The following FBLN2 variants were observed in gnomAD, a reference collection of about 807,000 sequenced individuals.
FBLN2 encodes the protein fibulin-2.
FBLN2 carries 81 observed loss-of-function variants against 123.7 expected under a neutral mutation model. The observed-to-expected ratio is 0.65, with a 90% confidence interval of 0.55 to 0.79. The LOEUF (loss-of-function observed/expected upper bound fraction) is 0.79. FBLN2 is among the 30% of genes least tolerant of loss of function. The pLI is 0.00. For missense variants in FBLN2, 1,603 were observed against 1,681.3 expected (o/e 0.95, Z 0.81); for synonymous variants, 699 against 701.4 (o/e 1.00, Z 0.05).
At chr3:13,609,958 G>A (rs576588639) in intron 4 of FBLN2, among the ~76,000 whole-genome samples, 1 of 152,362 alleles carries the variant, frequency 6.6e-6, no homozygotes, top group Admixed American at 6.5e-5. Context: ...GACAGAGGAA[G>A]ATCACGATGA....
chr3:13,623,796 A>G (rs147976600), intron 9 of FBLN2, among the ~76,000 whole-genome samples: 90 of 152,316 alleles, frequency 5.9e-4, no homozygotes, highest in African/African-American at 2.0e-3. Context: ...AGATAACAGC[A>G]CCTACCTCAA....
At chr3:13,566,038 C>T (rs367896418) in intron 1 of FBLN2, among the ~76,000 whole-genome samples, 5 of 152,222 alleles carry the variant, frequency 3.3e-5, no homozygotes, top group Non-Finnish European at 7.3e-5. Flanking sequence ...CGTCCCCACC[C>T]GGGAGGGCTG....
chr3:13,600,799 A>G (rs1351320915), intron 2 of FBLN2, among the ~76,000 whole-genome samples: 1 of 152,108 alleles, frequency 6.6e-6, no homozygotes, highest in Admixed American at 6.6e-5. Context: ...TACTTTTAGT[A>G]GAGATGGGTT....
chr3:13,621,062 T>C lies in FBLN2; in HGVS notation c.2156-713T>C, dbSNP rs1382617620. Among the ~76,000 whole-genome samples, 4 of 152,204 alleles carry C rather than the reference T, an allele frequency of 2.6e-5. No homozygotes were observed. The East Asian group carries it at 7.7e-4, about 29-fold the overall frequency. On this transcript the variant is annotated intron_variant, in intron 8 of 17. Transcript: ENST00000404922. The stretch of plus-strand genomic sequence containing the variant: ...CAGGCCTCCTTTGGGCCCAGCCCTG[T>C]GAGGCCCCTCTGCCTGTGCTGCTCA...
chr3:13,571,161 A>G lies in FBLN2; in HGVS notation c.806A>G (p.Lys269Arg). The change falls in exon 2 of 18, where the codon AAA becomes AGA. Residue 269 changes from lysine to arginine, a missense_variant. By Grantham distance (26) the Lys-to-Arg change is conservative. Coordinates refer to ENST00000404922, the MANE Select transcript of FBLN2 (RefSeq NM_001004019.2). ...GGTCCCCCAGCCCCAGTGCAGGCCA[A>G]AGCTAGGAGAGTGACCGAGGACAGT... ...ALGPPAPVQA[K>R]ARRVTEDSEE... The G allele has an allele frequency of 1.9e-6, 3 of 1,559,906 alleles. 1 individual carries two copies. The South Asian group carries it at 3.5e-5, about 18-fold the overall frequency.
intron 2 of FBLN2, among the ~76,000 whole-genome samples, chr3:13,589,282 G>C (rs926913077): frequency 4.6e-5 from 7 of 152,228 alleles, no homozygotes; most frequent in Non-Finnish European, 7.3e-5. Context: ...CTGGAAGGCT[G>C]TGGAAGGGTG....
Position 13,630,732 on chromosome 3 carries a change from A to G in FBLN2, c.3002A>G (p.Gln1001Arg). The G allele has an allele frequency of 6.2e-7, 1 of 1,609,658 alleles. No individual in the cohort carries two copies. The highest frequency in any genetic ancestry group is 8.5e-7 in the Non-Finnish European group (1 of 1,178,308). ...VNECEAQRCS[Q>R]ECANIYGSYQ... ...GAGTGTGAGGCCCAGCGCTGCAGCC[A>G]GGAGTGTGCCAACATCTATGGCTCC... The change falls in exon 15 of 18, where the codon CAG becomes CGG. Residue 1001 changes from glutamine to arginine, a missense_variant. Transcript: ENST00000404922.
rs1705320527 is a variant in FBLN2 at position 13,609,581 on chromosome 3, C to T, written c.1487C>T (p.Ala496Val). 1.3e-6 allele frequency: 2 copies of T among 1,562,426 alleles called. No individual in the cohort carries two copies. Among genetic ancestry groups the T allele is most frequent in the Non-Finnish European group, 1.7e-6 (2 of 1,153,540 alleles). Reference sequence around the variant, plus strand: ...AGCTGCATGGCCGGCGTCCTGGGAGCCAAGGAGGGTGAGACCTGTGGGGCT... The same window carrying T: ...AGCTGCATGGCCGGCGTCCTGGGAGTCAAGGAGGGTGAGACCTGTGGGGCT... Reference protein sequence around the residue: ...EKSCMAGVLGAKEGETCGAED... With the variant: ...EKSCMAGVLGVKEGETCGAED... Residue 496 changes from alanine (A) to valine (V), a missense_variant, in exon 4 of 18, where the codon GCC becomes GTC. Coordinates refer to ENST00000404922, the MANE Select transcript of FBLN2 (RefSeq NM_001004019.2).
At position 13,551,176 on chromosome 3, in the gene FBLN2, GCCTCAAGCATAGGC is replaced by G. The variant is rs563689860; in HGVS notation, c.-42+1971_-42+1984del. ...TTGGGCTGATTTTGCTCCATTGCCCGCCTCAAGCATAGGCCCAGGCTGGTCCTCCATGCATGGCT... is the reference window on the plus strand; with the variant it reads ...TTGGGCTGATTTTGCTCCATTGCCCGCCAGGCTGGTCCTCCATGCATGGCT... On this transcript the variant is annotated intron_variant, in intron 1 of 17. Coordinates refer to ENST00000404922, the MANE Select transcript of FBLN2 (RefSeq NM_001004019.2). Among the ~76,000 whole-genome samples the G allele has an allele frequency of 2.2e-3, 331 of 152,326 alleles. 1 individual carries two copies. The highest frequency in any genetic ancestry group is 4.1e-3 in the Non-Finnish European group (277 of 68,034).
At chr3:13,629,095 T>G (rs763243579) in intron 12 of FBLN2, 47 bp downstream of exon 12, 1 of 1,612,782 alleles carries the variant, frequency 6.2e-7, no homozygotes, top group Admixed American at 1.7e-5. Flanking sequence ...GCCTGCCCGC[T>G]TCCCCACCCC....
chr3:13,567,667 C>T (rs1470648054), intron 1 of FBLN2, among the ~76,000 whole-genome samples: 2 of 150,944 alleles, frequency 1.3e-5, no homozygotes, highest in African/African-American at 4.9e-5. Context: ...CAAAGATTTC[C>T]TTTCTTAAAA....
chr3:13,608,881 C>G (rs1705294288), intron 3 of FBLN2, among the ~76,000 whole-genome samples: 1 of 146,756 alleles, frequency 6.8e-6, no homozygotes, highest in Non-Finnish European at 1.5e-5. Flanking sequence ...ACTCTGCTTC[C>G]TATAAAAAAA....
In FBLN2 at chr3:13,586,643, G is replaced by T. The variant is rs9824434; in HGVS notation, c.1306+14982G>T. 7.8e-3 allele frequency among the ~76,000 whole-genome samples: 1,179 copies of T among 150,416 alleles called. 11 individuals carry two copies. The highest frequency in any genetic ancestry group is 0.027 in the African/African-American group (1,103 of 40,804). ...CTCCTGAGTAGCTGGGACTACAGGCGCATGGTGCCATGCCCAGCTAATTTT... is the reference window on the plus strand; with the variant it reads ...CTCCTGAGTAGCTGGGACTACAGGCTCATGGTGCCATGCCCAGCTAATTTT... On this transcript the variant is annotated intron_variant, in intron 2 of 17. Coordinates refer to ENST00000404922, the MANE Select transcript of FBLN2 (RefSeq NM_001004019.2).
At chr3:13,576,115 C>A (rs1475442395) in intron 2 of FBLN2, among the ~76,000 whole-genome samples, 1 of 152,210 alleles carries the variant, frequency 6.6e-6, no homozygotes, top group African/African-American at 2.4e-5. Flanking sequence ...CCAGTTTCAC[C>A]CTCATTGCAT....
intron 1 of FBLN2, among the ~76,000 whole-genome samples, chr3:13,567,782 A>C (rs1226592413): frequency 7.8e-6 from 1 of 128,122 alleles, no homozygotes; most frequent in East Asian, 2.7e-4. Context: ...AATCTGGGCA[A>C]CACAGTGAGA....
At chr3:13,624,782 C>G (rs1478737051) in intron 9 of FBLN2, among the ~76,000 whole-genome samples, 5 of 152,252 alleles carry the variant, frequency 3.3e-5, no homozygotes. Context: ...GTCACAGGAG[C>G]CTAGCACAGA....
rs2124888556 is a variant in FBLN2, at chr3:13,615,055, C to A, written c.1729+891C>A. On this transcript the variant is annotated intron_variant, in intron 5 of 17. Transcript: ENST00000404922. ...ATCCTCGTTGTCCTTGGTGTCACCC[C>A]CTTCTTCTTCCCTTCTTGTGCTGTA... Among the ~76,000 whole-genome samples, 5 of 152,350 alleles carry A rather than the reference C, an allele frequency of 3.3e-5. No individual in the cohort carries two copies. In the Middle Eastern group the frequency reaches 0.017, roughly 518 times the overall value.
Position 13,560,506 on chromosome 3 carries a change from G to A in FBLN2, c.-41-9809G>A, listed in dbSNP as rs561726414. 4.6e-5 allele frequency among the ~76,000 whole-genome samples: 7 copies of A among 152,266 alleles called. No individual in the cohort carries two copies. In the East Asian group the frequency reaches 1.4e-3, roughly 29 times the overall value. ...CTCACACCACCCACCTGTGTCATCAGCCTCACCTGTTCAACAGAAAGGACC... is the reference window on the plus strand; with the variant it reads ...CTCACACCACCCACCTGTGTCATCAACCTCACCTGTTCAACAGAAAGGACC... On this transcript the variant is annotated intron_variant, in intron 1 of 17. Coordinates refer to ENST00000404922, the MANE Select transcript of FBLN2 (RefSeq NM_001004019.2).
At position 13,637,165 on chromosome 3, in the gene FBLN2, TTGGGAGGGACCC is replaced by T. The variant is rs563689918; in HGVS notation, c.3339-386_3339-375del. On this transcript the variant is annotated intron_variant, in intron 17 of 17. Transcript: ENST00000404922. The stretch of plus-strand genomic sequence containing the variant: ...TGCCACCAGCCACACGGCCCGGCAC[TTGGGAGGGACCC>T]TGGGAGGGACACTGGGTGCACTGGG... 1.9e-3 allele frequency among the ~76,000 whole-genome samples: 295 copies of T among 151,606 alleles called. 2 individuals carry two copies. The highest frequency in any genetic ancestry group is 3.6e-3 in the Non-Finnish European group (243 of 67,888).
Sources: allele counts gnomAD v4.1 joint callset (sites outside exome capture counted in the v4.1 genomes callset), GRCh38; gene constraint gnomAD v4.1.1; transcripts MANE v1.5; gene names NCBI Gene and HGNC (gene_info 2026-07-23, HGNC 2026-07-21).